The following PCDHA1 variants were observed in gnomAD, a reference collection of about 807,000 sequenced individuals.
PCDHA1 encodes protocadherin alpha-1.
Under a neutral mutation model 61.3 loss-of-function variants are expected in PCDHA1, and 42 were observed. The observed-to-expected ratio is 0.69, with a 90% CI of 0.54 to 0.89. The LOEUF (loss-of-function observed/expected upper bound fraction) is 0.89. PCDHA1 is among the 40% of genes least tolerant of loss of function. The probability of loss-of-function intolerance (pLI) is 0.00; values close to 1 mark genes in which losing one functional copy is unlikely to be tolerated. For synonymous variants in PCDHA1, 610 were observed against 553.8 expected (o/e 1.10, Z -1.43); for missense variants, 1,256 against 1,235.3 (o/e 1.02, Z -0.25).
intron 1 of PCDHA1, chr5:140,929,147 A>G (rs1247156816): frequency 6.2e-7 from 1 of 1,614,062 alleles, no homozygotes; most frequent in Non-Finnish European, 8.5e-7. Flanking sequence ...AGACTTTCTC[A>G]GACTTATCTC....
chr5:140,933,900 G>T (rs941556210), intron 1 of PCDHA1, among the ~76,000 whole-genome samples: 1 of 151,518 alleles, frequency 6.6e-6, no homozygotes, highest in South Asian at 2.1e-4. Flanking sequence ...GAATATTTTG[G>T]CATAAAGTTG....
At chr5:140,990,670 A>T (rs1172208113) in intron 3 of PCDHA1, among the ~76,000 whole-genome samples, 1 of 152,192 alleles carries the variant, frequency 6.6e-6, no homozygotes, top group Non-Finnish European at 1.5e-5. Flanking sequence ...CATTAGATGC[A>T]CACCAAGCTG....
At chr5:140,958,696 G>A (rs1276859394) in intron 1 of PCDHA1, among the ~76,000 whole-genome samples, 1 of 152,156 alleles carries the variant, frequency 6.6e-6, no homozygotes, top group African/African-American at 2.4e-5. Flanking sequence ...ATATCCTAGA[G>A]TGACAACTCT....
intron 1 of PCDHA1, among the ~76,000 whole-genome samples, chr5:140,900,786 A>C (rs888308882): frequency 2.0e-5 from 3 of 152,152 alleles, no homozygotes; most frequent in African/African-American, 7.2e-5. Flanking sequence ...GAAACTCCAA[A>C]CTGTTCTCCA....
intron 1 of PCDHA1, among the ~76,000 whole-genome samples, chr5:140,963,604 T>A (rs1379826259): frequency 6.6e-6 from 1 of 152,234 alleles, no homozygotes; most frequent in Non-Finnish European, 1.5e-5. Flanking sequence ...CTAGACGTAA[T>A]TGGGAAAGCT....
chr5:140,887,025 T>G (rs1352119867), intron 1 of PCDHA1, among the ~76,000 whole-genome samples: 3 of 152,076 alleles, frequency 2.0e-5, no homozygotes, highest in Non-Finnish European at 4.4e-5. Context: ...CCTGAAAAAT[T>G]TCTTTAATAT....
intron 1 of PCDHA1, among the ~76,000 whole-genome samples, chr5:140,942,598 A>C: frequency 7.1e-6 from 1 of 140,144 alleles, no homozygotes; most frequent in East Asian, 2.1e-4. Flanking sequence ...ATATAATTAT[A>C]GTGTTTATAT....
chr5:140,824,301 G>A (rs1768078809), intron 1 of PCDHA1: 14 of 835,542 alleles, frequency 1.7e-5, no homozygotes, highest in Non-Finnish European at 2.5e-5. Flanking sequence ...TTTCTGCTGG[G>A]GTAATAGATT....
At chr5:140,921,428 T>G (rs1291283426) in intron 1 of PCDHA1, among the ~76,000 whole-genome samples, 1 of 152,190 alleles carries the variant, frequency 6.6e-6, no homozygotes, top group Non-Finnish European at 1.5e-5. Context: ...GACAAAAATT[T>G]TCTTCAATGG....
At chr5:140,843,202 C>A in intron 1 of PCDHA1, 1 of 1,596,044 alleles carries the variant, frequency 6.3e-7, no homozygotes, top group Non-Finnish European at 8.6e-7. Flanking sequence ...TGGGGCTGTA[C>A]ACGGGCGAGA....
chr5:140,986,204 T>A (rs2097190386), intron 3 of PCDHA1, among the ~76,000 whole-genome samples: 1 of 152,224 alleles, frequency 6.6e-6, no homozygotes, highest in African/African-American at 2.4e-5. Context: ...TAATCCTGAT[T>A]ACTGGCCCCT....
chr5:140,824,401 T>G (rs1459968024), intron 1 of PCDHA1: 4 of 544,498 alleles, frequency 7.3e-6, no homozygotes, highest in Middle Eastern at 4.7e-4. Context: ...GGATAATAAT[T>G]GTAAGACATA....
At chr5:140,936,242 T>C (rs2090852443) in intron 1 of PCDHA1, among the ~76,000 whole-genome samples, 1 of 152,196 alleles carries the variant, frequency 6.6e-6, no homozygotes, top group African/African-American at 2.4e-5. Flanking sequence ...AAAGAAAACA[T>C]ATCCTGCTTC....
chr5:140,830,462 T>C, intron 1 of PCDHA1: 1 of 1,579,416 alleles, frequency 6.3e-7, no homozygotes, highest in Non-Finnish European at 8.6e-7. Flanking sequence ...GAATCAGGAT[T>C]TAAATGAAGA....
intron 1 of PCDHA1, among the ~76,000 whole-genome samples, chr5:140,844,486 G>T (rs1279388855): frequency 6.7e-6 from 1 of 148,992 alleles, no homozygotes; most frequent in Non-Finnish European, 1.5e-5. Context: ...CTATGTTTAG[G>T]AAATGATTAC....
intron 1 of PCDHA1, chr5:140,877,743 G>A: frequency 6.2e-7 from 1 of 1,614,148 alleles, no homozygotes; most frequent in Non-Finnish European, 8.5e-7. Context: ...GGAGGCAGAG[G>A]GTGTGCTCTG....
At chr5:140,842,786 C>A (rs1554139367) in intron 1 of PCDHA1, 1 of 1,594,526 alleles carries the variant, frequency 6.3e-7, no homozygotes, top group Admixed American at 1.7e-5. Flanking sequence ...GGAGAACGCG[C>A]TGGTGTCCTA....
At chr5:140,943,630 T>C (rs1224015760) in intron 1 of PCDHA1, among the ~76,000 whole-genome samples, 1 of 152,130 alleles carries the variant, frequency 6.6e-6, no homozygotes, top group Non-Finnish European at 1.5e-5. Flanking sequence ...ATAAGGAAGC[T>C]GGATTATGGA....
intron 1 of PCDHA1, chr5:140,836,222 G>T: frequency 8.1e-6 from 13 of 1,613,794 alleles, no homozygotes; most frequent in Non-Finnish European, 1.1e-5. Context: ...AGTTGCAACC[G>T]GTGGCGGCCG....
Sources: allele counts gnomAD v4.1 joint callset (sites outside exome capture counted in the v4.1 genomes callset), GRCh38; gene constraint gnomAD v4.1.1; transcripts MANE v1.5; gene names NCBI Gene and HGNC (gene_info 2026-07-23, HGNC 2026-07-21).